ALG12: variants seen among roughly 807,000 people sequenced by gnomAD.
The protein encoded by ALG12 is dol-P-Man:Man(7)GlcNAc(2)-PP-Dol alpha-1,6-mannosyltransferase.
ALG12 carries 36 observed loss-of-function variants against 46.0 expected under a neutral mutation model. The ratio of observed to expected loss-of-function variants is 0.78; its 90% CI spans 0.60 to 1.03. ALG12 has a LOEUF of 1.03. Ranked by LOEUF, ALG12 falls within the 50% of genes least tolerant of loss-of-function variation. ALG12 has a pLI of 0.00. For synonymous variants in ALG12, 326 were observed against 291.6 expected, an observed-to-expected ratio of 1.12 and a Z score of -1.20; for missense variants, 599 against 633.5, an observed-to-expected ratio of 0.95 and a Z score of 0.58.
At chr22:49,886,669 G>A in the ALG12 span, 30 of 1,610,796 alleles carry the variant, frequency 1.9e-5, no homozygotes, top group South Asian at 1.8e-4. The surrounding 1 kb of genome is among the most constrained non-coding windows in gnomAD (Gnocchi z 7.7). Flanking sequence ...CCCGCGGTAC[G>A]TCTTCGCCAC....
Position 49,903,727 on chromosome 22 carries a change from C to A in ALG12, c.*111G>T. 2 of 1,293,612 alleles carry A rather than the reference C, an allele frequency of 1.5e-6. No individual in the cohort carries two copies. Among genetic ancestry groups the A allele is most frequent in the Non-Finnish European group, 2.2e-6 (2 of 910,016 alleles). 80.1% of individuals were successfully genotyped at this position (1,293,612 alleles called of 1,614,324 possible). A position where few individuals can be genotyped will look rare whatever the true frequency, so the allele number is the denominator to read the frequency against. On this transcript the variant is annotated 3_prime_UTR_variant, in exon 10 of 10. Coordinates refer to ENST00000330817, the MANE Select transcript of ALG12 (RefSeq NM_024105.4). ...TGTCTGTCAGAGGCAGGTGCCCAGT[C>A]CTTTGACTTGCTTCTCTGAATTGTC...
At position 49,903,560 on chromosome 22, in the gene ALG12, A is replaced by G; in HGVS notation, c.*278T>C. On this transcript the variant is annotated 3_prime_UTR_variant, in exon 10 of 10. Transcript: ENST00000330817. ...TCATGAATGGCACCTGGTCTGGGCGACAGTCACCCGCAGGAAGCCCTGAGC... is the reference window on the plus strand; with the variant it reads ...TCATGAATGGCACCTGGTCTGGGCGGCAGTCACCCGCAGGAAGCCCTGAGC... 1 of 630,142 alleles carries G rather than the reference A, an allele frequency of 1.6e-6. No individual in the cohort carries two copies. Among genetic ancestry groups the G allele is most frequent in the Non-Finnish European group, 3.0e-6 (1 of 338,478 alleles). 39.0% of individuals were successfully genotyped at this position (630,142 alleles called of 1,614,324 possible). A position where few individuals can be genotyped will look rare whatever the true frequency, so the allele number is the denominator to read the frequency against.
At position 49,909,893 on chromosome 22, in the gene ALG12, C is replaced by T. The variant is rs1328280874; in HGVS notation, c.664+1G>A. On this transcript the variant is annotated splice_donor_variant, in intron 5 of 9. Transcript: ENST00000330817. LOFTEE classifies it high-confidence loss of function. The stretch of plus-strand genomic sequence containing the variant: ...GAAGCATCCCACAGTGACTGACTTA[C>T]CTAAACAGAGGATCCCTGCCGGGAC... 5 of 1,614,026 alleles carry T rather than the reference C, an allele frequency of 3.1e-6. No homozygotes were observed. The highest frequency in any genetic ancestry group is 3.4e-6 in the Non-Finnish European group (4 of 1,180,024).
the ALG12 span, among the ~76,000 whole-genome samples, chr22:49,892,453 G>A: frequency 1.3e-5 from 2 of 152,240 alleles, no homozygotes; most frequent in Non-Finnish European, 2.9e-5. Flanking sequence ...AGGAGCCTCA[G>A]AGAAGTGGCC....
In ALG12 at chr22:49,913,789, C is replaced by T. The variant is rs754729015; in HGVS notation, c.-24G>A. On this transcript the variant is annotated 5_prime_UTR_variant, in exon 2 of 10. Transcript: ENST00000330817. ...ATTCCAGGCTTTCAGCTTCACGTAC[C>T]TTCACAGGCCAACAGTGCGAGACAC... is the stretch of plus-strand genomic sequence containing the variant. 6.2e-6 allele frequency: 10 copies of T among 1,612,040 alleles called. No homozygotes were observed. In the Admixed American group the frequency reaches 1.7e-4, roughly 27 times the overall value.
Position 49,913,822 on chromosome 22 carries a change from T to C in ALG12, c.-57A>G. The C allele has an allele frequency of 1.2e-6, 2 of 1,604,356 alleles. No individual in the cohort carries two copies. Among genetic ancestry groups the C allele is most frequent in the Non-Finnish European group, 1.7e-6 (2 of 1,175,658 alleles). ...GCCAACAGTGCGAGACACCAGCCGT[T>C]AGCACTGCCACTCCACGCATGCTGG... On this transcript the variant is annotated 5_prime_UTR_variant, in exon 2 of 10. Transcript: ENST00000330817.
the ALG12 span, among the ~76,000 whole-genome samples, chr22:49,871,276 C>T: frequency 7.6e-6 from 1 of 132,134 alleles, no homozygotes; most frequent in Non-Finnish European, 1.6e-5. Flanking sequence ...ATCACGAGGT[C>T]AGGAGTTCGA....
the ALG12 span, chr22:49,887,231 C>T: frequency 6.5e-7 from 1 of 1,549,602 alleles, no homozygotes; most frequent in African/African-American, 1.4e-5. Flanking sequence ...GCGTTAGCAG[C>T]CTGTACCAGG....
rs752634210 is a variant in ALG12 at position 49,910,417 on chromosome 22, G to A, written c.469+17C>T. The A allele has an allele frequency of 2.3e-5, 37 of 1,612,134 alleles. No individual in the cohort carries two copies. Among genetic ancestry groups the A allele is most frequent in the South Asian group, 3.3e-5 (3 of 90,946 alleles). On this transcript the variant is annotated intron_variant, in intron 4 of 9. Coordinates refer to ENST00000330817, the MANE Select transcript of ALG12 (RefSeq NM_024105.4). ...CCCGGCACCATGGGTGTGCAGGCCCGGCCGGCAGCTACGTACCTACAGGCA... is the reference window on the plus strand; with the variant it reads ...CCCGGCACCATGGGTGTGCAGGCCCAGCCGGCAGCTACGTACCTACAGGCA...
chr22:49,886,227 G>A, the ALG12 span: 2 of 894,960 alleles, frequency 2.2e-6, no homozygotes, highest in East Asian at 2.4e-5. The surrounding 1 kb of genome is among the most constrained non-coding windows in gnomAD (Gnocchi z 7.7). Context: ...TCGCCCGGAA[G>A]ATCTGCGAGC....
At chr22:49,865,273 G>A in the ALG12 span, among the ~76,000 whole-genome samples, 11 of 152,120 alleles carry the variant, frequency 7.2e-5, no homozygotes, top group Admixed American at 1.3e-4. Flanking sequence ...AGATGGTGTC[G>A]TTATCTTATG....
At chr22:49,909,111 GA>G in intron 6 of ALG12, 132 bp downstream of exon 6, 1 of 944,920 alleles carries the variant, frequency 1.1e-6, no homozygotes, top group Non-Finnish European at 1.7e-6. Flanking sequence ...AAGTGGGAGG[GA>G]GGGGCTCCAT....
At chr22:49,870,630 G>A in the ALG12 span, among the ~76,000 whole-genome samples, 1 of 151,996 alleles carries the variant, frequency 6.6e-6, no homozygotes, top group Non-Finnish European at 1.5e-5. Context: ...CTCCTTTCGA[G>A]AAGTATCTGT....
At chr22:49,885,693 C>T in the ALG12 span, 8 of 1,610,782 alleles carry the variant, frequency 5.0e-6, no homozygotes, top group African/African-American at 8.0e-5. Flanking sequence ...CTTTTGTAGA[C>T]AACGTTGGCT....
chr22:49,906,373 C>T lies in ALG12; in HGVS notation c.992+1348G>A, dbSNP rs1233042589. ...CTGAGACGAGAGGGAGCCAAAGGCA[C>T]AGAAAAGCAGAGGCAGAGCTCCCAG... On this transcript the variant is annotated intron_variant, in intron 7 of 9. Coordinates refer to ENST00000330817, the MANE Select transcript of ALG12 (RefSeq NM_024105.4). The surrounding 1 kb of genome is among the most constrained non-coding windows in gnomAD (Gnocchi z 4.4). Among the ~76,000 whole-genome samples the T allele has an allele frequency of 2.0e-5, 3 of 152,202 alleles. No homozygotes were observed. The East Asian group carries it at 5.8e-4, about 29-fold the overall frequency.
downstream of ALG12, among the ~76,000 whole-genome samples, chr22:49,895,504 T>C (rs2060480329): frequency 6.6e-6 from 1 of 151,704 alleles, no homozygotes; most frequent in Non-Finnish European, 1.5e-5. Context: ...ATACAAAAAT[T>C]AGCCAGGTGT....
the ALG12 span, among the ~76,000 whole-genome samples, chr22:49,874,947 T>C: frequency 3.9e-5 from 6 of 152,208 alleles, no homozygotes; most frequent in Admixed American, 3.3e-4. Context: ...CCTCCCAAAG[T>C]GTTGGGATTA....
the ALG12 span, among the ~76,000 whole-genome samples, chr22:49,878,071 G>A: frequency 1.2e-4 from 18 of 152,144 alleles, no homozygotes; most frequent in Middle Eastern, 3.4e-3. Flanking sequence ...TTGGGAGGCC[G>A]AGATGGGCGG....
the ALG12 span, among the ~76,000 whole-genome samples, chr22:49,865,501 A>T: frequency 1.9e-4 from 29 of 152,042 alleles, no homozygotes; most frequent in South Asian, 2.3e-3. Flanking sequence ...TACAAAAAAA[A>T]AAAAATAATA....
Sources: allele counts gnomAD v4.1 joint callset (sites outside exome capture counted in the v4.1 genomes callset), GRCh38; gene constraint gnomAD v4.1.1; non-coding constraint Gnocchi (gnomAD v3.1); transcripts MANE v1.5; gene names NCBI Gene and HGNC (gene_info 2026-07-23, HGNC 2026-07-21).